Variants in EVC2 observed in about 807,000 individuals in gnomAD.
EVC2 encodes limbin.
Under a neutral mutation model 149.3 loss-of-function variants are expected in EVC2, and 148 were observed. That is an observed-to-expected ratio of 0.99 (90% CI 0.87 to 1.14). EVC2 has a LOEUF of 1.14. Among genes scored for constraint, EVC2 ranks in the 50% most tolerant of loss-of-function variants. The probability of loss-of-function intolerance (pLI) is 0.00; values close to 1 mark genes in which losing one functional copy is unlikely to be tolerated. For synonymous variants in EVC2, 776 were observed against 649.9 expected (o/e 1.19, Z -2.95); for missense variants, 1,854 against 1,627.3 (o/e 1.14, Z -2.40).
chr4:5,660,711 A>G (rs944109684), intron 9 of EVC2, among the ~76,000 whole-genome samples: 7 of 152,180 alleles, frequency 4.6e-5, no homozygotes, highest in Non-Finnish European at 8.8e-5. Flanking sequence ...CTTTCACATC[A>G]TTACACATGA....
At chr4:5,535,479 C>G in the EVC2 span, among the ~76,000 whole-genome samples, 2 of 152,064 alleles carry the variant, frequency 1.3e-5, no homozygotes, top group Non-Finnish European at 2.9e-5. The surrounding 1 kb of genome is among the most constrained non-coding windows in gnomAD (Gnocchi z 4.7). Context: ...TTGGCTCGGA[C>G]TGCTATAACA....
chr4:5,687,864 T>A (rs913639644), intron 5 of EVC2, among the ~76,000 whole-genome samples: 1 of 152,074 alleles, frequency 6.6e-6, no homozygotes, highest in African/African-American at 2.4e-5. Context: ...CTGGGTGACA[T>A]TGTCTCCTTG....
At chr4:5,596,262 A>G (rs1713406901) in intron 16 of EVC2, among the ~76,000 whole-genome samples, 1 of 152,204 alleles carries the variant, frequency 6.6e-6, no homozygotes, top group Non-Finnish European at 1.5e-5. Context: ...TCAACAGAAT[A>G]TACATTTTTC....
Position 5,622,927 on chromosome 4 carries a change from C to A in EVC2, c.2111G>T (p.Gly704Val). The A allele has an allele frequency of 6.2e-7, 1 of 1,614,176 alleles. No homozygotes were observed. The highest frequency in any genetic ancestry group is 8.5e-7 in the Non-Finnish European group (1 of 1,180,036). Reference protein sequence around the residue: ...GEAFRTVEDAGQYLHQKRSLM... With the variant: ...GEAFRTVEDAVQYLHQKRSLM... ...GCTCCTCTTCTGGTGCAGGTACTGGCCGGCATCCTCAACCGTTCGGAAGGC... is the reference window on the plus strand; with the variant it reads ...GCTCCTCTTCTGGTGCAGGTACTGGACGGCATCCTCAACCGTTCGGAAGGC... The change falls in exon 14 of 22, where the codon GGC becomes GTC. Residue 704 changes from glycine to valine, a missense_variant. By Grantham distance (109) the Gly-to-Val change is moderately radical. Coordinates refer to ENST00000344408, the MANE Select transcript of EVC2 (RefSeq NM_147127.5). This position sits in a 1 kb window ranked among gnomAD's most constrained non-coding sequence, Gnocchi z 5.8.
chr4:5,688,963 T>C (rs550630941), intron 5 of EVC2, among the ~76,000 whole-genome samples, 194 bp downstream of exon 5: 57 of 152,318 alleles, frequency 3.7e-4, no homozygotes, highest in Admixed American at 8.5e-4. Context: ...GAAATTCAGC[T>C]TTTTGGTTAC....
intron 1 of EVC2, among the ~76,000 whole-genome samples, chr4:5,704,656 T>TAC (rs1370581706): frequency 6.6e-6 from 1 of 152,134 alleles, no homozygotes; most frequent in African/African-American, 2.4e-5. Context: ...GAAGCACAGA[T>TAC]ACACTCATGA....
chr4:5,615,660 C>A, intron 15 of EVC2, 116 bp from the exon 16 acceptor site: 2 of 1,477,116 alleles, frequency 1.4e-6, no homozygotes, highest in Non-Finnish European at 1.9e-6. Flanking sequence ...AACTGCAAAA[C>A]TCTGCCTTAG....
At chr4:5,687,295 A>G (rs113683757) in intron 5 of EVC2, among the ~76,000 whole-genome samples, 18,494 of 152,066 alleles carry the variant, frequency 0.12, 1,429 homozygotes, top group Middle Eastern at 0.19. Context: ...AAAACCACCA[A>G]CAAAATACCT....
In EVC2 at chr4:5,622,683, A is replaced by C; in HGVS notation, c.2355T>G (p.Ala785=). The C allele has an allele frequency of 1.9e-6, 3 of 1,614,044 alleles. No homozygotes were observed. Among genetic ancestry groups the C allele is most frequent in the Non-Finnish European group, 2.5e-6 (3 of 1,180,006 alleles). Residue 785 remains alanine (A), a synonymous_variant, in exon 14 of 22, where the codon GCT becomes GCG. Coordinates refer to ENST00000344408, the MANE Select transcript of EVC2 (RefSeq NM_147127.5). This position sits in a 1 kb window ranked among gnomAD's most constrained non-coding sequence, Gnocchi z 5.8. ...CCCCCTCCAGCTGCTCGGCCCGTGC[A>C]GCCATCTCCTTGCCGTGCTCCTCCA... The part of the protein sequence containing the change: ...QILEEHGKEM[A]ARAEQLEGEE...
intron 13 of EVC2, among the ~76,000 whole-genome samples, chr4:5,623,944 T>C (rs988422179): frequency 6.6e-6 from 1 of 152,216 alleles, no homozygotes; most frequent in African/African-American, 2.4e-5. Flanking sequence ...TTTACGCCAA[T>C]GAACATCTGT....
At chr4:5,552,832 T>C (rs766954293) in intron 21 of EVC2, among the ~76,000 whole-genome samples, 5 of 152,102 alleles carry the variant, frequency 3.3e-5, no homozygotes, top group Admixed American at 1.3e-4. Flanking sequence ...CAAAGAACAC[T>C]AGATAGCAAC....
chr4:5,546,117 G>C (rs542672199), intron 21 of EVC2, among the ~76,000 whole-genome samples: 247 of 152,286 alleles, frequency 1.6e-3, no homozygotes, highest in African/African-American at 5.5e-3. Flanking sequence ...CTGTTGGTGG[G>C]ACTGTAAACT....
intron 17 of EVC2, among the ~76,000 whole-genome samples, chr4:5,579,392 C>T (rs1418198397): frequency 6.6e-6 from 1 of 152,160 alleles, no homozygotes; most frequent in Non-Finnish European, 1.5e-5. Context: ...ATGAGAGCTC[C>T]ATTGATGCTG....
At chr4:5,649,098 C>G (rs1269059804) in intron 9 of EVC2, among the ~76,000 whole-genome samples, 1 of 152,192 alleles carries the variant, frequency 6.6e-6, no homozygotes, top group Non-Finnish European at 1.5e-5. Flanking sequence ...ATGAGGCGGA[C>G]AGAGACATTT....
chr4:5,547,400 T>C (rs7676213), intron 21 of EVC2, among the ~76,000 whole-genome samples: 2,635 of 152,266 alleles, frequency 0.017, 62 homozygotes, highest in African/African-American at 0.059. Flanking sequence ...AGGGGGCAGA[T>C]CCCCAGTGAG....
In EVC2 at chr4:5,614,651, A is replaced by T. The variant is rs1715098101; in HGVS notation, c.2829+771T>A. ...AGAATACAGATTAAAGCATCCTAGG[A>T]GACTGTGTGGTGTGTGCTAGAACAT... On this transcript the variant is annotated intron_variant, in intron 16 of 21. Coordinates refer to ENST00000344408, the MANE Select transcript of EVC2 (RefSeq NM_147127.5). The surrounding 1 kb of genome is among the most constrained non-coding windows in gnomAD (Gnocchi z 4.7). Among the ~76,000 whole-genome samples the T allele has an allele frequency of 1.3e-5, 2 of 152,150 alleles. No homozygotes were observed. Among genetic ancestry groups the T allele is most frequent in the African/African-American group, 4.8e-5 (2 of 41,430 alleles).
At chr4:5,611,354 G>A (rs774841666) in intron 16 of EVC2, among the ~76,000 whole-genome samples, 1 of 152,148 alleles carries the variant, frequency 6.6e-6, no homozygotes, top group Non-Finnish European at 1.5e-5. Flanking sequence ...TGTAAGACTG[G>A]TATCTGACAG....
At chr4:5,687,522 C>T (rs1276501731) in intron 5 of EVC2, among the ~76,000 whole-genome samples, 1 of 151,880 alleles carries the variant, frequency 6.6e-6, no homozygotes, top group East Asian at 1.9e-4. Context: ...AGGCTCCAAG[C>T]AGGGAAGCAG....
rs780919705 is a variant in EVC2, at chr4:5,640,528, G to T, written c.1456C>A (p.Arg486Ser). The change falls in exon 10 of 22, where the codon CGT (arginine) becomes AGT (serine). Residue 486 changes from arginine (R) to serine (S), a missense_variant. Coordinates refer to ENST00000344408, the MANE Select transcript of EVC2 (RefSeq NM_147127.5). This position sits in a 1 kb window ranked among gnomAD's most constrained non-coding sequence, Gnocchi z 4.6. ...ACCTGTCTTACCCTCTCACCAGCAC[G>T]TTTCAGCAACTCTTCTGCTTCCTCC... Reference protein sequence around the residue: ...AMEEAEELLKRAGERSAVECS... With the variant: ...AMEEAEELLKSAGERSAVECS... 1 of 1,613,982 alleles carries T rather than the reference G, an allele frequency of 6.2e-7. No individual in the cohort carries two copies. The highest frequency in any genetic ancestry group is 8.5e-7 in the Non-Finnish European group (1 of 1,180,026).
Sources: gnomAD v4.1 joint callset for allele counts (sites outside exome capture counted in the v4.1 genomes callset) on GRCh38, gnomAD v4.1.1 for gene constraint, Gnocchi (gnomAD v3.1) non-coding constraint, MANE v1.5 for transcripts, NCBI Gene and HGNC (gene_info 2026-07-23, HGNC 2026-07-21) for gene names.